The following TRPC1 variants were observed in gnomAD, a reference collection of about 807,000 sequenced individuals.
TRPC1 encodes the protein transient receptor potential cation channel subfamily C member 1.
TRPC1 carries 42 observed loss-of-function variants against 88.2 expected under a neutral mutation model. That is an observed-to-expected ratio of 0.48 (90% CI 0.37 to 0.62). TRPC1 has a LOEUF of 0.62. Ranked by LOEUF, TRPC1 falls within the 20% of genes least tolerant of loss-of-function variation. The pLI is 0.00. For missense variants in TRPC1, 699 were observed against 957.3 expected (o/e 0.73, Z 3.56); for synonymous variants, 288 against 331.8 (o/e 0.87, Z 1.43).
intron 4 of TRPC1, among the ~76,000 whole-genome samples, chr3:142,774,268 T>A (rs560586355): frequency 6.6e-6 from 1 of 152,234 alleles, no homozygotes; most frequent in African/African-American, 2.4e-5. Context: ...CCCACACATA[T>A]GTAATTTTCT....
At chr3:142,778,130 T>C (rs931595481) in intron 5 of TRPC1, among the ~76,000 whole-genome samples, 2 of 152,230 alleles carry the variant, frequency 1.3e-5, no homozygotes, top group Non-Finnish European at 2.9e-5. Flanking sequence ...TCTGACTCTA[T>C]AATCATCCTT....
intron 4 of TRPC1, among the ~76,000 whole-genome samples, chr3:142,772,134 GT>G (rs1935597895): frequency 6.6e-6 from 1 of 152,048 alleles, no homozygotes; most frequent in Non-Finnish European, 1.5e-5. Context: ...TGATGTTTCT[GT>G]TTGTGGGTCT....
chr3:142,728,689 C>T (rs1236474106), intron 1 of TRPC1, among the ~76,000 whole-genome samples: 8 of 152,200 alleles, frequency 5.3e-5, no homozygotes, highest in Admixed American at 3.3e-4. Context: ...TGTGCAACAA[C>T]TCCAGAGAGA....
intron 4 of TRPC1, among the ~76,000 whole-genome samples, chr3:142,757,004 C>G (rs1178578505): frequency 2.0e-5 from 3 of 152,156 alleles, no homozygotes; most frequent in African/African-American, 7.2e-5. Flanking sequence ...GCTTATATCA[C>G]TTAGCATAAT....
At position 142,792,093 on chromosome 3, in the gene TRPC1, G is replaced by A. The variant is rs896233697; in HGVS notation, c.1438-731G>A. Among the ~76,000 whole-genome samples the A allele has an allele frequency of 1.3e-5, 2 of 151,990 alleles. No homozygotes were observed. Among genetic ancestry groups the A allele is most frequent in the East Asian group, 1.9e-4 (1 of 5,194 alleles). On this transcript the variant is annotated intron_variant, in intron 8 of 12. Coordinates refer to ENST00000476941, the MANE Select transcript of TRPC1 (RefSeq NM_001251845.2). The surrounding 1 kb of genome is among the most constrained non-coding windows in gnomAD (Gnocchi z 4.0). ...TTAAAAAATTCTGTTTAATTGATCA[G>A]TAGTATGGAATATGTTAGGTACGTT...
intron 7 of TRPC1, among the ~76,000 whole-genome samples, chr3:142,786,410 GTAAT>G (rs1405899931): frequency 6.6e-6 from 1 of 152,096 alleles, no homozygotes; most frequent in African/African-American, 2.4e-5. Flanking sequence ...TAACTAGATT[GTAAT>G]TAGAGTTTTG....
intron 6 of TRPC1, 64 bp from the exon 7 acceptor site, chr3:142,784,640 A>T: frequency 8.1e-7 from 1 of 1,234,590 alleles, no homozygotes. Flanking sequence ...AATATCAACC[A>T]ATCAGTATTT....
chr3:142,739,130 A>G (rs1396641353), intron 2 of TRPC1, among the ~76,000 whole-genome samples: 1 of 151,852 alleles, frequency 6.6e-6, no homozygotes, highest in Non-Finnish European at 1.5e-5. Context: ...ATGCACCATC[A>G]CGCCCGGCTA....
intron 9 of TRPC1, among the ~76,000 whole-genome samples, chr3:142,793,335 G>T (rs1482792303): frequency 6.6e-6 from 1 of 151,950 alleles, no homozygotes; most frequent in Non-Finnish European, 1.5e-5. Flanking sequence ...GTATAAAGGA[G>T]GACCTGTGCA....
chr3:142,757,641 T>C (rs888834971), intron 4 of TRPC1, among the ~76,000 whole-genome samples: 5 of 151,028 alleles, frequency 3.3e-5, no homozygotes, highest in African/African-American at 7.3e-5. Context: ...CCGGGGCCTC[T>C]TGGGGGATGG....
At chr3:142,801,810 C>T (rs1450740329) in intron 9 of TRPC1, among the ~76,000 whole-genome samples, 1 of 152,084 alleles carries the variant, frequency 6.6e-6, no homozygotes, top group Non-Finnish European at 1.5e-5. Flanking sequence ...TAAATATAAG[C>T]ATTTATTTCT....
chr3:142,725,647 A>G (rs1191478553), intron 1 of TRPC1, among the ~76,000 whole-genome samples: 2 of 152,216 alleles, frequency 1.3e-5, no homozygotes, highest in East Asian at 3.9e-4. Context: ...AAACACTAAA[A>G]TTTTTCTTTT....
chr3:142,758,833 AC>A (rs1481227829), intron 4 of TRPC1, among the ~76,000 whole-genome samples: 1 of 26,822 alleles, frequency 3.7e-5, no homozygotes, highest in African/African-American at 1.5e-4. Flanking sequence ...CCCCTCCCCC[AC>A]CCCACAATAG....
In TRPC1 at chr3:142,724,388, C is replaced by G; in HGVS notation, c.-172C>G. 1.9e-6 allele frequency: 1 copy of G among 522,614 alleles called. No individual in the cohort carries two copies. Among genetic ancestry groups the G allele is most frequent in the Non-Finnish European group, 3.1e-6 (1 of 318,014 alleles). 32.4% of individuals were successfully genotyped at this position (522,614 alleles called of 1,614,324 possible). A position where few individuals can be genotyped will look rare whatever the true frequency, so the allele number is the denominator to read the frequency against. ...TGGGGCTGTCAGTGGAGGGCGAGTG[C>G]TGGTTCTCAGGGGAGGCGACGCCCT... On this transcript the variant is annotated 5_prime_UTR_variant, in exon 1 of 13. Transcript: ENST00000476941. The surrounding 1 kb of genome is among the most constrained non-coding windows in gnomAD (Gnocchi z 5.6).
At chr3:142,746,852 C>T (rs978514309) in intron 3 of TRPC1, among the ~76,000 whole-genome samples, 8 of 149,416 alleles carry the variant, frequency 5.4e-5, no homozygotes, top group African/African-American at 1.5e-4. Context: ...AGCGAGACTC[C>T]ACCAAAAAAA....
intron 4 of TRPC1, among the ~76,000 whole-genome samples, chr3:142,773,255 C>G (rs549554483): frequency 6.6e-6 from 1 of 151,960 alleles, no homozygotes; most frequent in African/African-American, 2.4e-5. Flanking sequence ...CTGTGTTGCC[C>G]ATGCTGGAGT....
intron 4 of TRPC1, among the ~76,000 whole-genome samples, chr3:142,777,373 C>G (rs140242616): frequency 6.6e-6 from 1 of 151,902 alleles, no homozygotes; most frequent in Non-Finnish European, 1.5e-5. Flanking sequence ...TTATATTATA[C>G]CAAAGGCATT....
intron 4 of TRPC1, among the ~76,000 whole-genome samples, chr3:142,762,486 A>G (rs918120394): frequency 4.3e-5 from 6 of 140,642 alleles, no homozygotes; most frequent in Non-Finnish European, 9.1e-5. Flanking sequence ...CTGGAGTGCA[A>G]TGGCGTGATC....
chr3:142,786,653 A>G (rs1330200959), intron 7 of TRPC1, among the ~76,000 whole-genome samples: 2 of 152,174 alleles, frequency 1.3e-5, no homozygotes. Context: ...AATGTGAAAT[A>G]TGTTTGTATT....
Sources: gnomAD v4.1 joint callset for allele counts (sites outside exome capture counted in the v4.1 genomes callset) on GRCh38, gnomAD v4.1.1 for gene constraint, Gnocchi (gnomAD v3.1) non-coding constraint, MANE v1.5 for transcripts, NCBI Gene and HGNC (gene_info 2026-07-23, HGNC 2026-07-21) for gene names.